The following FRMD4B variants were observed in gnomAD, a reference collection of about 807,000 sequenced individuals.
FRMD4B encodes the protein FERM domain containing 4B, also known as FERM domain-containing protein 4B.
In FRMD4B, 74 loss-of-function variants were observed where a neutral mutation model predicts 141.5. The ratio of observed to expected loss-of-function variants is 0.52; its 90% CI spans 0.43 to 0.63. FRMD4B has a LOEUF of 0.63. Ranked by LOEUF, FRMD4B falls within the 30% of genes least tolerant of loss-of-function variation. The probability of loss-of-function intolerance (pLI) is 0.00; values close to 1 mark genes in which losing one functional copy is unlikely to be tolerated. For synonymous variants in FRMD4B, 506 were observed against 467.9 expected (o/e 1.08, Z -1.05); for missense variants, 1,366 against 1,253.4 (o/e 1.09, Z -1.36).
intron 1 of FRMD4B, among the ~76,000 whole-genome samples, chr3:69,343,909 G>A (rs1702836330): frequency 2.0e-5 from 3 of 152,088 alleles, no homozygotes; most frequent in East Asian, 1.9e-4. Flanking sequence ...CTCCCCAAGA[G>A]TGAGTTGCAA....
chr3:69,389,767 A>G (rs1287166892), upstream of FRMD4B, among the ~76,000 whole-genome samples: 1 of 152,228 alleles, frequency 6.6e-6, no homozygotes, highest in Non-Finnish European at 1.5e-5. Context: ...GTGCTACCCA[A>G]GTATGGCATC....
chr3:69,233,298 A>G (rs2093323181), intron 7 of FRMD4B, among the ~76,000 whole-genome samples: 1 of 151,796 alleles, frequency 6.6e-6, no homozygotes, highest in African/African-American at 2.4e-5. Flanking sequence ...CCTGGCCAAC[A>G]TGGTGAAACC....
At chr3:69,467,809 A>T (rs1434437520) in intron 1 of FRMD4B, among the ~76,000 whole-genome samples, 1 of 152,178 alleles carries the variant, frequency 6.6e-6, no homozygotes, top group Non-Finnish European at 1.5e-5. Context: ...CATGCTAGGT[A>T]AATGGGATCC....
At chr3:69,455,743 G>A (rs945453758) in intron 1 of FRMD4B, among the ~76,000 whole-genome samples, 41 of 152,280 alleles carry the variant, frequency 2.7e-4, no homozygotes, top group Non-Finnish European at 5.1e-4. Flanking sequence ...TTTTAACTAC[G>A]AATTTTATGC....
intron 2 of FRMD4B, among the ~76,000 whole-genome samples, chr3:69,425,402 T>C (rs1444222570): frequency 6.6e-6 from 1 of 152,226 alleles, no homozygotes; most frequent in Non-Finnish European, 1.5e-5. Context: ...CACTCTCACC[T>C]GAAACTAGTG....
chr3:69,195,448 G>C, intron 14 of FRMD4B, 84 bp from the exon 15 acceptor site: 1 of 1,091,224 alleles, frequency 9.2e-7, no homozygotes, highest in Non-Finnish European at 1.3e-6. Flanking sequence ...TTAAGCTAAA[G>C]CTGCTATTAA....
chr3:69,277,516 C>CTT (rs55745266), intron 5 of FRMD4B, among the ~76,000 whole-genome samples: 3 of 60,492 alleles, frequency 5.0e-5, no homozygotes, highest in African/African-American at 2.1e-4. Context: ...TTTCTTTCTG[C>CTT]TTTTTTTTTT....
chr3:69,282,214 GTA>G (rs1179951978), intron 5 of FRMD4B, among the ~76,000 whole-genome samples: 7 of 152,180 alleles, frequency 4.6e-5, no homozygotes, highest in Admixed American at 3.3e-4. Context: ...TCTTGCCTGT[GTA>G]TTTCTGTTCT....
intron 1 of FRMD4B, among the ~76,000 whole-genome samples, chr3:69,357,705 G>A (rs881031): frequency 0.17 from 26,064 of 152,092 alleles, 2,318 homozygotes; most frequent in African/African-American, 0.2. Flanking sequence ...AATGCCAGAC[G>A]CACCATAAAA....
At chr3:69,235,170 ATAAT>A (rs1575641042) in intron 7 of FRMD4B, among the ~76,000 whole-genome samples, 2 of 141,802 alleles carry the variant, frequency 1.4e-5, no homozygotes, top group East Asian at 2.0e-4. Context: ...AATAATAATA[ATAAT>A]AATAATAATA....
intron 5 of FRMD4B, among the ~76,000 whole-genome samples, chr3:69,253,846 G>T (rs1341303281): frequency 6.6e-6 from 1 of 152,200 alleles, no homozygotes; most frequent in African/African-American, 2.4e-5. Flanking sequence ...CCAGCACTTT[G>T]GGAGGCTGAG....
intron 21 of FRMD4B, among the ~76,000 whole-genome samples, chr3:69,179,620 T>C (rs2092684498): frequency 1.3e-5 from 2 of 152,144 alleles, no homozygotes; most frequent in Admixed American, 1.3e-4. Flanking sequence ...TACATGAAAC[T>C]TTTAAAGGTG....
intron 1 of FRMD4B, among the ~76,000 whole-genome samples, chr3:69,447,074 G>A (rs1250071641): frequency 6.6e-6 from 1 of 152,124 alleles, no homozygotes; most frequent in East Asian, 1.9e-4. Context: ...TTCATTTGGG[G>A]CTCAAATAAG....
intron 2 of FRMD4B, among the ~76,000 whole-genome samples, chr3:69,402,765 T>C (rs1704587164): frequency 6.6e-6 from 1 of 152,154 alleles, no homozygotes; most frequent in African/African-American, 2.4e-5. Flanking sequence ...GTGAGAATTA[T>C]TGGCATCAGG....
At chr3:69,425,424 T>C (rs1228870740) in intron 2 of FRMD4B, among the ~76,000 whole-genome samples, 1 of 152,166 alleles carries the variant, frequency 6.6e-6, no homozygotes, top group African/African-American at 2.4e-5. Flanking sequence ...TAGAAGTAGT[T>C]ATCCTGTTCA....
At chr3:69,335,074 A>G (rs1702497511) in intron 1 of FRMD4B, among the ~76,000 whole-genome samples, 1 of 152,190 alleles carries the variant, frequency 6.6e-6, no homozygotes, top group Non-Finnish European at 1.5e-5. Flanking sequence ...GCTTGAGCCC[A>G]GGAGTTTGAG....
chr3:69,474,503 A>G (rs1351628444), intron 1 of FRMD4B, among the ~76,000 whole-genome samples: 2 of 152,158 alleles, frequency 1.3e-5, no homozygotes, highest in Admixed American at 1.3e-4. Flanking sequence ...CCCCAGCCCA[A>G]AGGAAGGAAA....
At chr3:69,508,253 AT>A (rs1400496085) in intron 1 of FRMD4B, among the ~76,000 whole-genome samples, 1 of 152,242 alleles carries the variant, frequency 6.6e-6, no homozygotes, top group Non-Finnish European at 1.5e-5. Context: ...CTTTTATTTT[AT>A]TAAACGAGGT....
chr3:69,520,240 AATAT>A (rs56084649), intron 1 of FRMD4B, among the ~76,000 whole-genome samples: 1 of 55,944 alleles, frequency 1.8e-5, no homozygotes, highest in Admixed American at 1.8e-4. Flanking sequence ...TATATGATGG[AATAT>A]ATATATATGA....
Sources: gnomAD v4.1 joint callset for allele counts (sites outside exome capture counted in the v4.1 genomes callset) on GRCh38, gnomAD v4.1.1 for gene constraint, MANE v1.5 for transcripts, NCBI Gene and HGNC (gene_info 2026-07-23, HGNC 2026-07-21) for gene names.